The following CDX1 variants were observed in gnomAD, a reference collection of about 807,000 sequenced individuals.
CDX1 encodes the protein caudal type homeobox 1.
In CDX1, 9 loss-of-function variants were observed where a neutral mutation model predicts 16.9. The ratio of observed to expected loss-of-function variants is 0.53; its 90% confidence interval spans 0.32 to 0.93. The LOEUF (loss-of-function observed/expected upper bound fraction) is 0.93, where lower values mean the gene tolerates loss of function less well. CDX1 is among the 40% of genes least tolerant of loss of function. CDX1 has a pLI of 0.04. For synonymous variants in CDX1, 179 were observed against 179.0 expected (o/e 1.00, Z 0.00); for missense variants, 393 against 386.1 (o/e 1.02, Z -0.15).
chr5:150,167,044 G>GC lies in CDX1; in HGVS notation c.173dup (p.Thr59AspfsTer41). The GC allele has an allele frequency of 7.0e-7, 1 of 1,428,360 alleles. No individual in the cohort carries two copies. The highest frequency in any genetic ancestry group is 9.1e-7 in the Non-Finnish European group (1 of 1,096,312). 88.5% of individuals were successfully genotyped at this position (1,428,360 alleles called of 1,614,324 possible). A position where few individuals can be genotyped will look rare whatever the true frequency, so the allele number is the denominator to read the frequency against. On this transcript the variant is annotated frameshift_variant, in exon 1 of 3. Coordinates refer to ENST00000231656, the MANE Select transcript of CDX1 (RefSeq NM_001804.3). LOFTEE classifies it high-confidence loss of function. Reference sequence around the variant, plus strand: ...ACTCTCACGTGGAGCCGGCCCCCGCGCCCCCGACGGCCTGGGGGGCGCCCT... The same window carrying GC: ...ACTCTCACGTGGAGCCGGCCCCCGCGCCCCCCGACGGCCTGGGGGGCGCCCT...
Position 150,183,579 on chromosome 5 carries a change from GC to G in CDX1, c.699del (p.Thr234ProfsTer26). 1 of 1,610,976 alleles carries G rather than the reference GC, an allele frequency of 6.2e-7. No individual in the cohort carries two copies. The highest frequency in any genetic ancestry group is 1.7e-4 in the Middle Eastern group (1 of 6,050). ...GCCGCCGATGGCCCACGACATCACGGCCACCCCAGCCGGGCCATCCCTGGGG... is the reference window on the plus strand; with the variant it reads ...GCCGCCGATGGCCCACGACATCACGGCACCCCAGCCGGGCCATCCCTGGGG... ...PQPPMAHDITATPAGPSLGGL... is the reference protein window; with the variant it reads ...PQPPMAHDITXTPAGPSLGGL... On this transcript the variant is annotated frameshift_variant, in exon 3 of 3. Coordinates refer to ENST00000231656, the MANE Select transcript of CDX1 (RefSeq NM_001804.3). LOFTEE classifies it low-confidence loss of function (END_TRUNC).
At chr5:150,176,690 G>A (rs1440636102) in intron 1 of CDX1, among the ~76,000 whole-genome samples, 1 of 152,230 alleles carries the variant, frequency 6.6e-6, no homozygotes, top group Non-Finnish European at 1.5e-5. Context: ...CCAATGCCCA[G>A]AGGAGAGGAG....
At chr5:150,170,337 A>G (rs953347446) in intron 1 of CDX1, among the ~76,000 whole-genome samples, 4 of 151,868 alleles carry the variant, frequency 2.6e-5, no homozygotes, top group African/African-American at 9.7e-5. Context: ...ATTCCAATCT[A>G]CTCACTTCCT....
At position 150,167,109 on chromosome 5, in the gene CDX1, CG is replaced by C; in HGVS notation, c.236del (p.Gly79AlafsTer120). 2 of 1,344,570 alleles carry C rather than the reference CG, an allele frequency of 1.5e-6. No individual in the cohort carries two copies. The highest frequency in any genetic ancestry group is 9.5e-7 in the Non-Finnish European group (1 of 1,056,384). 83.3% of individuals were successfully genotyped at this position (1,344,570 alleles called of 1,614,324 possible). ...GACGACTGGGCCGCCGCCTACGGCC[CG>C]GGCCCCGCGGCCCCTGCCGCCAGCC... ...PKDDWAAAYG[P>X]GPAAPAASPA... On this transcript the variant is annotated frameshift_variant, in exon 1 of 3. Transcript: ENST00000231656. LOFTEE classifies it high-confidence loss of function.
intron 1 of CDX1, among the ~76,000 whole-genome samples, chr5:150,172,702 C>T (rs951483966): frequency 6.6e-6 from 1 of 152,114 alleles, no homozygotes; most frequent in Non-Finnish European, 1.5e-5. Context: ...TGTTTAGAAC[C>T]GATTCTCCAG....
chr5:150,168,596 G>A (rs953139070), intron 1 of CDX1, among the ~76,000 whole-genome samples: 1 of 152,166 alleles, frequency 6.6e-6, no homozygotes, highest in African/African-American at 2.4e-5. Context: ...AAACATCATC[G>A]TAGGTACTAT....
At chr5:150,172,644 A>T (rs1469206649) in intron 1 of CDX1, among the ~76,000 whole-genome samples, 1 of 152,036 alleles carries the variant, frequency 6.6e-6, no homozygotes, top group East Asian at 1.9e-4. Flanking sequence ...CAGGCAGGGG[A>T]TGTACTGTAA....
intron 1 of CDX1, among the ~76,000 whole-genome samples, chr5:150,176,344 G>A (rs1761568950): frequency 6.6e-6 from 1 of 152,172 alleles, no homozygotes; most frequent in East Asian, 1.9e-4. Context: ...TGGAAAAGGG[G>A]GCTCTTTGCA....
rs574404284 is a variant in CDX1 at position 150,173,568 on chromosome 5, A to C, written c.445+6247A>C. On this transcript the variant is annotated intron_variant, in intron 1 of 2. Transcript: ENST00000231656. Reference sequence around the variant, plus strand: ...ATTGCTCACTTTCCTTCCTGCTGCTAATCCCAGTTTGTCATTATTTCATTT... The same window carrying C: ...ATTGCTCACTTTCCTTCCTGCTGCTCATCCCAGTTTGTCATTATTTCATTT... 2.0e-4 allele frequency among the ~76,000 whole-genome samples: 31 copies of C among 152,268 alleles called. 1 individual carries two copies. In the South Asian group the frequency reaches 6.4e-3, roughly 32 times the overall value.
At chr5:150,177,326 A>T (rs1156941273) in intron 1 of CDX1, among the ~76,000 whole-genome samples, 1 of 152,264 alleles carries the variant, frequency 6.6e-6, no homozygotes, top group Non-Finnish European at 1.5e-5. Flanking sequence ...GGTCATTTCT[A>T]GCAGACCGCC....
chr5:150,178,442 G>A (rs2113952744), intron 1 of CDX1, among the ~76,000 whole-genome samples: 1 of 152,256 alleles, frequency 6.6e-6, no homozygotes, highest in South Asian at 2.1e-4. Flanking sequence ...ACCTGTTATA[G>A]GAGCCTGGAC....
chr5:150,179,035 CA>C (rs1761607991), intron 1 of CDX1, among the ~76,000 whole-genome samples: 1 of 152,094 alleles, frequency 6.6e-6, no homozygotes, highest in African/African-American at 2.4e-5. Flanking sequence ...GAGCTTTGGG[CA>C]GCTCTTGGTC....
At position 150,183,705 on chromosome 5, in the gene CDX1, G is replaced by C. The variant is rs1490623698; in HGVS notation, c.*25G>C. 3.3e-6 allele frequency: 5 copies of C among 1,496,096 alleles called. No homozygotes were observed. In the African/African-American group the frequency reaches 5.6e-5, roughly 17 times the overall value. The allele number at this position is 1,496,096 out of a possible 1,614,324, so 92.7% of individuals were successfully genotyped here. ...GCCCCATGCCCAGCCTGTGCGCCGG[G>C]GGACCTGGGGACTCGGGTGCTGGGA... On this transcript the variant is annotated 3_prime_UTR_variant, in exon 3 of 3. Transcript: ENST00000231656.
At chr5:150,180,070 C>G (rs544687132) in intron 1 of CDX1, among the ~76,000 whole-genome samples, 1 of 152,264 alleles carries the variant, frequency 6.6e-6, no homozygotes, top group African/African-American at 2.4e-5. Flanking sequence ...CCATTGTGAA[C>G]CCCGATCTCT....
chr5:150,169,855 T>C (rs1247490238), intron 1 of CDX1, among the ~76,000 whole-genome samples: 2 of 151,822 alleles, frequency 1.3e-5, no homozygotes, highest in Non-Finnish European at 1.5e-5. Context: ...AGACCACACA[T>C]GTAGACGAGG....
intron 1 of CDX1, among the ~76,000 whole-genome samples, chr5:150,176,456 G>A (rs760358309): frequency 3.9e-5 from 6 of 152,184 alleles, no homozygotes; most frequent in Non-Finnish European, 7.3e-5. Flanking sequence ...TCACAGACAC[G>A]GGTGAGCTCC....
At chr5:150,167,945 G>C (rs1580835889) in intron 1 of CDX1, among the ~76,000 whole-genome samples, 1 of 152,210 alleles carries the variant, frequency 6.6e-6, no homozygotes. Flanking sequence ...GGGAAGGGGG[G>C]CTACTGTTTG....
rs1201506315 is a variant in CDX1 at position 150,167,068 on chromosome 5, C to G, written c.192C>G (p.Pro64=). ...CGCCCCCGACGGCCTGGGGGGCGCC[C>G]TTCCCTGCGCCCAAGGACGACTGGG... The part of the protein sequence containing the change: ...APAPPTAWGA[P]FPAPKDDWAA... Residue 64 remains proline, a synonymous_variant, in exon 1 of 3, where the codon CCC becomes CCG. Coordinates refer to ENST00000231656, the MANE Select transcript of CDX1 (RefSeq NM_001804.3). 7.1e-7 allele frequency: 1 copy of G among 1,416,478 alleles called. No homozygotes were observed. The highest frequency in any genetic ancestry group is 9.2e-7 in the Non-Finnish European group (1 of 1,091,176). 87.7% of individuals were successfully genotyped at this position (1,416,478 alleles called of 1,614,324 possible).
Position 150,166,931 on chromosome 5 carries a change from AGGCCAGCCAGCCTCGGCCTG to A in CDX1, c.60_79del (p.Gly24ArgfsTer69). On this transcript the variant is annotated frameshift_variant, in exon 1 of 3. Transcript: ENST00000231656. LOFTEE classifies it high-confidence loss of function. ...TTCGCCCGTGTACCCCGGCCCAGCC[AGGCCAGCCAGCCTCGGCCTG>A]GGCCCGCAAGCCTACGGCCCCCCGG... is the stretch of plus-strand genomic sequence containing the variant. 1 of 1,505,086 alleles carries A rather than the reference AGGCCAGCCAGCCTCGGCCTG, an allele frequency of 6.6e-7. No individual in the cohort carries two copies. The highest frequency in any genetic ancestry group is 1.3e-5 in the South Asian group (1 of 78,454). The allele number at this position is 1,505,086 out of a possible 1,614,324, so 93.2% of individuals were successfully genotyped here. A position where few individuals can be genotyped will look rare whatever the true frequency, so the allele number is the denominator to read the frequency against.
Sources: gnomAD v4.1 joint callset for allele counts (sites outside exome capture counted in the v4.1 genomes callset) on GRCh38, gnomAD v4.1.1 for gene constraint, MANE v1.5 for transcripts, NCBI Gene and HGNC (gene_info 2026-07-23, HGNC 2026-07-21) for gene names.